PANX1: variants seen among roughly 807,000 people sequenced by gnomAD.
PANX1 encodes the protein pannexin 1, also known as pannexin-1.
Under a neutral mutation model 38.7 loss-of-function variants are expected in PANX1, and 30 were observed. The observed-to-expected ratio is 0.78, with a 90% confidence interval of 0.58 to 1.05. The LOEUF (loss-of-function observed/expected upper bound fraction) is 1.05, where lower values mean the gene tolerates loss of function less well. Among genes scored for constraint, PANX1 ranks in the 50% least tolerant of loss-of-function variants. PANX1 has a pLI of 0.00. For missense variants in PANX1, 551 were observed against 517.2 expected (o/e 1.07, Z -0.63); for synonymous variants, 230 against 212.2 (o/e 1.08, Z -0.73).
chr11:94,145,362 G>C (rs1326781288), intron 1 of PANX1, among the ~76,000 whole-genome samples: 4 of 152,148 alleles, frequency 2.6e-5, no homozygotes, highest in African/African-American at 4.8e-5. Context: ...AAAAAAAATT[G>C]CATAGATTTT....
At chr11:94,168,591 T>C (rs1947129228) in intron 2 of PANX1, among the ~76,000 whole-genome samples, 1 of 151,236 alleles carries the variant, frequency 6.6e-6, no homozygotes. Context: ...CGCAAAAGGA[T>C]AGTCGAAAGT....
At chr11:94,131,450 C>T (rs1400893243) in intron 1 of PANX1, among the ~76,000 whole-genome samples, 2 of 152,188 alleles carry the variant, frequency 1.3e-5, no homozygotes, top group Non-Finnish European at 2.9e-5. Context: ...CTTGCCCTGC[C>T]CTCTCCCTGC....
At chr11:94,164,761 A>C (rs534731628) in intron 2 of PANX1, among the ~76,000 whole-genome samples, 14 of 152,282 alleles carry the variant, frequency 9.2e-5, no homozygotes, top group African/African-American at 3.1e-4. Context: ...TCTGCTCAAT[A>C]CTGAAAGTCG....
chr11:94,138,097 G>A (rs1313964942), intron 1 of PANX1, among the ~76,000 whole-genome samples: 1 of 151,960 alleles, frequency 6.6e-6, no homozygotes, highest in African/African-American at 2.4e-5. Flanking sequence ...CAAGGTCAAA[G>A]TATACATAGA....
intron 1 of PANX1, among the ~76,000 whole-genome samples, chr11:94,152,859 A>G (rs1946899074): frequency 6.6e-6 from 1 of 152,120 alleles, no homozygotes; most frequent in Non-Finnish European, 1.5e-5. Context: ...AGGTCTTCCC[A>G]TTCCCCATCT....
intron 2 of PANX1, among the ~76,000 whole-genome samples, chr11:94,176,782 G>A (rs1319649268): frequency 6.6e-6 from 1 of 151,616 alleles, no homozygotes; most frequent in Non-Finnish European, 1.5e-5. Context: ...GTGTTAGATT[G>A]GAAAAAGATG....
intron 2 of PANX1, among the ~76,000 whole-genome samples, chr11:94,172,742 C>T (rs1947182760): frequency 1.3e-5 from 2 of 151,740 alleles, no homozygotes; most frequent in African/African-American, 4.9e-5. Flanking sequence ...CAGATGATCA[C>T]AAACTGTATT....
intron 3 of PANX1, 79 bp from the exon 4 acceptor site, chr11:94,179,523 T>G: frequency 9.9e-7 from 1 of 1,006,096 alleles, no homozygotes; most frequent in Non-Finnish European, 1.5e-6. Flanking sequence ...TAGTGTGACA[T>G]TGTTGAATGT....
intron 1 of PANX1, among the ~76,000 whole-genome samples, chr11:94,144,265 A>G (rs1363278851): frequency 1.3e-5 from 2 of 152,134 alleles, no homozygotes; most frequent in African/African-American, 4.8e-5. Context: ...CTTACAATGC[A>G]AAAACCAAGA....
chr11:94,147,728 T>C (rs891423186), intron 1 of PANX1, among the ~76,000 whole-genome samples: 7 of 152,052 alleles, frequency 4.6e-5, no homozygotes, highest in African/African-American at 1.7e-4. Flanking sequence ...TGGGGTTGAG[T>C]GGTCACATCA....
At chr11:94,142,739 A>G (rs1946777708) in intron 1 of PANX1, among the ~76,000 whole-genome samples, 2 of 152,226 alleles carry the variant, frequency 1.3e-5, no homozygotes. Context: ...TGCATATGGT[A>G]CCATGTACAT....
At chr11:94,147,886 A>G (rs770232784) in intron 1 of PANX1, among the ~76,000 whole-genome samples, 2 of 152,180 alleles carry the variant, frequency 1.3e-5, no homozygotes, top group Non-Finnish European at 2.9e-5. Context: ...TTGTTGATCT[A>G]TTCAACAGGG....
intron 4 of PANX1, 138 bp downstream of exon 4, chr11:94,180,395 G>A: frequency 1.4e-6 from 1 of 700,480 alleles, no homozygotes; most frequent in Non-Finnish European, 2.3e-6. Context: ...CCAAGGTGCG[G>A]GGTAGGGGGA....
At chr11:94,162,684 G>T (rs995342073) in intron 2 of PANX1, among the ~76,000 whole-genome samples, 10 of 152,192 alleles carry the variant, frequency 6.6e-5, no homozygotes, top group South Asian at 2.1e-4. Flanking sequence ...GTGATGCCTC[G>T]CCCTGCTTCG....
intron 2 of PANX1, among the ~76,000 whole-genome samples, chr11:94,168,359 G>A (rs1479111711): frequency 1.3e-5 from 2 of 151,870 alleles, no homozygotes; most frequent in African/African-American, 2.4e-5. Flanking sequence ...TGGGGACAGC[G>A]GGAGCCATTG....
chr11:94,138,541 T>C (rs1207545518), intron 1 of PANX1, among the ~76,000 whole-genome samples: 1 of 152,226 alleles, frequency 6.6e-6, no homozygotes, highest in Non-Finnish European at 1.5e-5. Context: ...TGTAAAGGTA[T>C]ATATTCATGG....
At chr11:94,131,688 C>G (rs1456409377) in intron 1 of PANX1, among the ~76,000 whole-genome samples, 1 of 152,122 alleles carries the variant, frequency 6.6e-6, no homozygotes, top group Non-Finnish European at 1.5e-5. Flanking sequence ...CTAACAGGAC[C>G]AGGGAAGACC....
Position 94,180,206 on chromosome 11 carries a change from A to C in PANX1, c.1150A>C (p.Met384Leu). Residue 384 changes from methionine to leucine, a missense_variant, in exon 4 of 5, where the codon ATG (methionine) becomes CTG (leucine). Met to Leu is a conservative substitution (Grantham distance 15, BLOSUM62 2). Coordinates refer to ENST00000227638, the MANE Select transcript of PANX1 (RefSeq NM_015368.4). ...KMDVVDGKTP[M>L]SAEMREEQGN... ...GGATGTTGTTGATGGCAAAACTCCC[A>C]TGTCTGCAGAGATGAGAGAGGAGCA... 1 of 1,613,520 alleles carries C rather than the reference A, an allele frequency of 6.2e-7. No homozygotes were observed. Among genetic ancestry groups the C allele is most frequent in the Non-Finnish European group, 8.5e-7 (1 of 1,179,654 alleles).
intron 1 of PANX1, among the ~76,000 whole-genome samples, chr11:94,134,706 C>T (rs1351978493): frequency 1.3e-5 from 2 of 150,634 alleles, no homozygotes; most frequent in Non-Finnish European, 3.0e-5. Flanking sequence ...CTCCCACTAC[C>T]CCCCTTCCTC....
Sources: allele counts gnomAD v4.1 joint callset (sites outside exome capture counted in the v4.1 genomes callset), GRCh38; gene constraint gnomAD v4.1.1; transcripts MANE v1.5; gene names NCBI Gene and HGNC (gene_info 2026-07-23, HGNC 2026-07-21).